The following INPP5D variants were observed in gnomAD, a reference collection of about 807,000 sequenced individuals.
The protein encoded by INPP5D is phosphatidylinositol 3,4,5-trisphosphate 5-phosphatase 1.
In INPP5D, 33 loss-of-function variants were observed where a neutral mutation model predicts 122.9. That is an observed-to-expected ratio of 0.27 (90% CI 0.20 to 0.36). INPP5D has a LOEUF of 0.36. INPP5D is among the 10% of genes least tolerant of loss of function. The probability of loss-of-function intolerance (pLI) is 1.00; values close to 1 mark genes in which losing one functional copy is unlikely to be tolerated. For synonymous variants in INPP5D, 584 were observed against 576.2 expected, an observed-to-expected ratio of 1.01 and a Z score of -0.19; for missense variants, 1,053 against 1,412.7, an observed-to-expected ratio of 0.75 and a Z score of 4.08.
chr2:233,064,464 A>G (rs900214559), intron 1 of INPP5D, among the ~76,000 whole-genome samples: 2 of 152,234 alleles, frequency 1.3e-5, no homozygotes, highest in African/African-American at 4.8e-5. Flanking sequence ...GTTGTTACCA[A>G]CCTGCTCCGC....
chr2:233,134,755 G>A (rs1209203424), intron 5 of INPP5D, among the ~76,000 whole-genome samples: 1 of 152,164 alleles, frequency 6.6e-6, no homozygotes, highest in Non-Finnish European at 1.5e-5. Context: ...TCAAAGGTCT[G>A]AATATCAATA....
At chr2:233,084,291 G>A (rs1036356172) in intron 2 of INPP5D, among the ~76,000 whole-genome samples, 4 of 152,246 alleles carry the variant, frequency 2.6e-5, no homozygotes, top group African/African-American at 9.6e-5. Context: ...CTGGGCTCAA[G>A]TGATCCACCC....
chr2:233,121,803 G>T (rs866736731), intron 2 of INPP5D, among the ~76,000 whole-genome samples: 40 of 152,232 alleles, frequency 2.6e-4, no homozygotes, highest in Admixed American at 1.0e-3. Context: ...TGGGATTACA[G>T]GTGTGAGCCA....
At chr2:233,108,552 C>T (rs1374413681) in intron 2 of INPP5D, among the ~76,000 whole-genome samples, 4 of 152,290 alleles carry the variant, frequency 2.6e-5, no homozygotes, top group South Asian at 2.1e-4. Flanking sequence ...TGAGGTCTTG[C>T]GATGTTGCCT....
intron 21 of INPP5D, among the ~76,000 whole-genome samples, chr2:233,187,434 CGA>C (rs2106318115): frequency 6.6e-6 from 1 of 152,220 alleles, no homozygotes; most frequent in Non-Finnish European, 1.5e-5. Flanking sequence ...AGGTGACACT[CGA>C]GGTGAATTTT....
At chr2:233,135,211 T>A (rs1370330784) in intron 5 of INPP5D, among the ~76,000 whole-genome samples, 5 of 148,566 alleles carry the variant, frequency 3.4e-5, no homozygotes, top group Non-Finnish European at 7.4e-5. Flanking sequence ...TTTTTTCTTA[T>A]AAAGAGACAG....
chr2:233,188,222 C>T lies in INPP5D; in HGVS notation c.2359-1628C>T, dbSNP rs766816531. On this transcript the variant is annotated intron_variant, in intron 21 of 26. Coordinates refer to ENST00000445964, the MANE Select transcript of INPP5D (RefSeq NM_001017915.3). This position sits in a 1 kb window ranked among gnomAD's most constrained non-coding sequence, Gnocchi z 4.7. ...CCCACAGGACTGCAGGGGCCTTCAC[C>T]GTCTCCTGCTCCCTGACCCCCGCCC... 1.3e-5 allele frequency among the ~76,000 whole-genome samples: 2 copies of T among 152,054 alleles called. No homozygotes were observed. Among genetic ancestry groups the T allele is most frequent in the South Asian group, 2.1e-4 (1 of 4,818 alleles).
Position 233,186,249 on chromosome 2 carries a change from C to T in INPP5D, c.2358+324C>T, listed in dbSNP as rs565724415. 2.6e-5 allele frequency among the ~76,000 whole-genome samples: 4 copies of T among 152,278 alleles called. No individual in the cohort carries two copies. In the South Asian group the frequency reaches 8.3e-4, roughly 32 times the overall value. ...GGTGCAGGGCCAAGCGCTGTTTGCT[C>T]ATGGCCTCATGGCTGCAGTAACACA... On this transcript the variant is annotated intron_variant, in intron 21 of 26. Coordinates refer to ENST00000445964, the MANE Select transcript of INPP5D (RefSeq NM_001017915.3).
At chr2:233,098,904 G>GTGCTCCTGCTAAGCTAA (rs1692224145) in intron 2 of INPP5D, among the ~76,000 whole-genome samples, 1 of 149,830 alleles carries the variant, frequency 6.7e-6, no homozygotes, top group Non-Finnish European at 1.5e-5. Context: ...TTTTTCACAT[G>GTGCTCCTGCTAAGCTAA]TGCTCCTGCT....
chr2:233,169,841 T>C, intron 14 of INPP5D, 185 bp from the exon 15 acceptor site: 1 of 1,142,766 alleles, frequency 8.8e-7, no homozygotes, highest in Non-Finnish European at 1.2e-6. Flanking sequence ...AAATGCCCTT[T>C]GCATCCTGGC....
rs148048313 is a variant in INPP5D, at chr2:233,082,009, T to C, written c.198+2611T>C. On this transcript the variant is annotated intron_variant, in intron 2 of 26. Transcript: ENST00000445964. The surrounding 1 kb of genome is among the most constrained non-coding windows in gnomAD (Gnocchi z 4.7). ...GAGTCGTGGGGGCAGCGTGCCTCCT[T>C]AAGGTCTCCGCTTAGCCAGGACAGT... 1.1e-3 allele frequency among the ~76,000 whole-genome samples: 164 copies of C among 152,236 alleles called. 1 individual carries two copies. Among genetic ancestry groups the C allele is most frequent in the African/African-American group, 3.8e-3 (159 of 41,532 alleles).
intron 2 of INPP5D, among the ~76,000 whole-genome samples, chr2:233,117,395 C>T (rs1264272545): frequency 1.3e-5 from 2 of 152,278 alleles, no homozygotes; most frequent in Non-Finnish European, 2.9e-5. Context: ...CCAGTTCATT[C>T]GCTTCCCTGC....
chr2:233,124,212 T>A (rs1188377108), intron 3 of INPP5D, among the ~76,000 whole-genome samples: 2 of 151,798 alleles, frequency 1.3e-5, no homozygotes, highest in African/African-American at 4.8e-5. Context: ...TTCCAGCAGG[T>A]GGAGACTACC....
rs371589441 is a variant in INPP5D, at chr2:233,164,309, C to T, written c.1440C>T (p.Val480=). The T allele has an allele frequency of 1.2e-4, 184 of 1,548,710 alleles. No homozygotes were observed. The highest frequency in any genetic ancestry group is 3.7e-4 in the African/African-American group (27 of 72,984). Residue 480 remains valine, a splice_region_variant and synonymous_variant, in exon 13 of 27, where the codon GTC becomes GTT. Transcript: ENST00000445964. This position sits in a 1 kb window ranked among gnomAD's most constrained non-coding sequence, Gnocchi z 4.3. The part of the protein sequence containing the change: ...QEITSVTFKT[V]AIHTLWNIRI... ...TTGCAACGTTGTCCTCCCACCAGGT[C>T]GCCATCCACACGCTCTGGAACATCC... is the stretch of plus-strand genomic sequence containing the variant.
chr2:233,064,980 G>A (rs541651843), intron 1 of INPP5D, among the ~76,000 whole-genome samples: 7 of 152,352 alleles, frequency 4.6e-5, no homozygotes, highest in African/African-American at 1.7e-4. Flanking sequence ...CGTAGCCAGA[G>A]CTACTGACAT....
intron 2 of INPP5D, 139 bp from the exon 3 acceptor site, chr2:233,121,968 C>A (rs1291001921): frequency 3.3e-6 from 3 of 898,266 alleles, no homozygotes; most frequent in African/African-American, 1.7e-5. Flanking sequence ...GGGTCACACA[C>A]CCTGCGTAGG....
At chr2:233,118,772 T>C (rs1692878387) in intron 2 of INPP5D, among the ~76,000 whole-genome samples, 1 of 152,036 alleles carries the variant, frequency 6.6e-6, no homozygotes. Flanking sequence ...GGGGGAGAGG[T>C]GGAGGAAGGC....
chr2:233,194,571 C>T (rs1695135981), intron 23 of INPP5D, among the ~76,000 whole-genome samples: 1 of 140,646 alleles, frequency 7.1e-6, no homozygotes, highest in African/African-American at 2.7e-5. Flanking sequence ...GATCTCAGCT[C>T]ACTGCAACCT....
intron 1 of INPP5D, among the ~76,000 whole-genome samples, chr2:233,066,294 C>G (rs1050458832): frequency 2.6e-5 from 4 of 152,232 alleles, no homozygotes; most frequent in African/African-American, 9.6e-5. Context: ...CATCTCCCTG[C>G]ACATGAACCC....
Sources: gnomAD v4.1 joint callset for allele counts (sites outside exome capture counted in the v4.1 genomes callset) on GRCh38, gnomAD v4.1.1 for gene constraint, Gnocchi (gnomAD v3.1) non-coding constraint, MANE v1.5 for transcripts, NCBI Gene and HGNC (gene_info 2026-07-23, HGNC 2026-07-21) for gene names.